VAV2: variants seen among roughly 807,000 people sequenced by gnomAD.
VAV2 encodes guanine nucleotide exchange factor VAV2.
In VAV2, 67 loss-of-function variants were observed where a neutral mutation model predicts 132.5. The ratio of observed to expected loss-of-function variants is 0.51; its 90% confidence interval spans 0.42 to 0.62. VAV2 has a LOEUF of 0.62. Among genes scored for constraint, VAV2 ranks in the 20% least tolerant of loss-of-function variants. VAV2 has a pLI of 0.00. For synonymous variants in VAV2, 492 were observed against 443.5 expected, an observed-to-expected ratio of 1.11 and a Z score of -1.37; for missense variants, 938 against 1,153.6, an observed-to-expected ratio of 0.81 and a Z score of 2.71.
At chr9:133,783,428 G>A (rs1171536523) in intron 19 of VAV2, 75 bp downstream of exon 19, 38 of 1,456,458 alleles carry the variant, frequency 2.6e-5, no homozygotes, top group East Asian at 9.1e-5. Context: ...CCCGAGGCCC[G>A]TACCCAGGTG....
chr9:133,859,574 A>T (rs1837515948), intron 3 of VAV2, among the ~76,000 whole-genome samples: 1 of 152,236 alleles, frequency 6.6e-6, no homozygotes, highest in Admixed American at 6.5e-5. Flanking sequence ...GGAGCAATTA[A>T]AATGACTGAT....
At chr9:133,861,045 C>G (rs1727278551) in intron 3 of VAV2, among the ~76,000 whole-genome samples, 1 of 152,236 alleles carries the variant, frequency 6.6e-6, no homozygotes. Flanking sequence ...ATTCTCGGCA[C>G]AGCCCCCGGT....
intron 2 of VAV2, among the ~76,000 whole-genome samples, chr9:133,903,441 C>A (rs10993850): frequency 0.08 from 12,242 of 152,252 alleles, 572 homozygotes; most frequent in Non-Finnish European, 0.097. Context: ...TGGAGCCCCA[C>A]ATCAGGCTCA....
chr9:133,791,458 G>T (rs1834457145), intron 13 of VAV2, among the ~76,000 whole-genome samples: 1 of 152,164 alleles, frequency 6.6e-6, no homozygotes, highest in Non-Finnish European at 1.5e-5. Flanking sequence ...TCTTGGACTT[G>T]AAGGGGTCTT....
At chr9:133,977,149 CAAAT>C (rs1460302333) in intron 1 of VAV2, among the ~76,000 whole-genome samples, 1 of 152,196 alleles carries the variant, frequency 6.6e-6, no homozygotes, top group Non-Finnish European at 1.5e-5. Context: ...GGAATGAAAA[CAAAT>C]AAAACCAAGA....
At chr9:133,923,596 A>G (rs1840370524) in intron 2 of VAV2, among the ~76,000 whole-genome samples, 1 of 152,238 alleles carries the variant, frequency 6.6e-6, no homozygotes, top group Non-Finnish European at 1.5e-5. Flanking sequence ...TTCCTCAAGG[A>G]TCTAGAACTA....
intron 16 of VAV2, among the ~76,000 whole-genome samples, chr9:133,786,809 A>C (rs1834244697): frequency 6.6e-6 from 1 of 152,198 alleles, no homozygotes; most frequent in African/African-American, 2.4e-5. Flanking sequence ...ATAGGAGCCT[A>C]CTGGGTTAGA....
intron 1 of VAV2, among the ~76,000 whole-genome samples, chr9:133,972,814 A>T (rs1356183315): frequency 6.6e-6 from 1 of 152,096 alleles, no homozygotes; most frequent in Non-Finnish European, 1.5e-5. Flanking sequence ...TGAGGCAACC[A>T]AGGCCCAGGC....
chr9:133,877,349 C>T (rs186935819), intron 2 of VAV2, among the ~76,000 whole-genome samples: 20 of 152,162 alleles, frequency 1.3e-4, no homozygotes, highest in Non-Finnish European at 2.2e-4. Context: ...ACTGGCCAGG[C>T]GGACAAGCCC....
At chr9:133,894,242 G>A (rs1450329222) in intron 2 of VAV2, among the ~76,000 whole-genome samples, 1 of 152,262 alleles carries the variant, frequency 6.6e-6, no homozygotes, top group Admixed American at 6.5e-5. Flanking sequence ...TCCCAAGGAT[G>A]GGGGAGCCGG....
chr9:133,990,597 C>A (rs1031250578), intron 1 of VAV2, among the ~76,000 whole-genome samples: 1 of 152,216 alleles, frequency 6.6e-6, no homozygotes, highest in Non-Finnish European at 1.5e-5. Flanking sequence ...AGCAAGTCAG[C>A]CTGGGCAGCC....
chr9:133,773,298 A>C (rs1012888436), intron 25 of VAV2, among the ~76,000 whole-genome samples: 1 of 136,306 alleles, frequency 7.3e-6, no homozygotes, highest in Non-Finnish European at 1.7e-5. Context: ...TGGTAAAAAC[A>C]CAGTAGAAAA....
Position 133,789,304 on chromosome 9 carries a change from C to T in VAV2, c.1228G>A (p.Gly410Arg), listed in dbSNP as rs267602158. 4 of 1,614,144 alleles carry T rather than the reference C, an allele frequency of 2.5e-6. No homozygotes were observed. Among genetic ancestry groups the T allele is most frequent in the Non-Finnish European group, 3.4e-6 (4 of 1,180,030 alleles). Residue 410 changes from glycine (G) to arginine (R), a missense_variant, in exon 14 of 30, where the codon GGG (glycine) becomes AGG (arginine). Physicochemically the swap from Gly to Arg is moderately radical, Grantham distance 125 (BLOSUM62 -2). Coordinates refer to ENST00000371850, the MANE Select transcript of VAV2 (RefSeq NM_001134398.2). The part of the protein sequence containing the change: ...LEEFGRPKID[G>R]ELKVRSIVNH... The stretch of plus-strand genomic sequence containing the variant: ...ACTATGGACCGGACTTTCAGTTCCC[C>T]GTCAATCTTTGGTCTTCCAAATTCC...
At chr9:133,789,204 G>A in intron 14 of VAV2, 54 bp downstream of exon 14, 3 of 1,599,134 alleles carry the variant, frequency 1.9e-6, no homozygotes, top group Admixed American at 1.7e-5. Flanking sequence ...CCCTGGGAGG[G>A]AGAGCCAGAC....
In VAV2 at chr9:133,969,190, C is replaced by A. The variant is rs1264763935; in HGVS notation, c.204+22885G>T. Reference sequence around the variant, plus strand: ...CTGCGAGGACGAGAGCTGGATTCCACCGTGCCCGCCGGGCCTGCGAGGACG... The same window carrying A: ...CTGCGAGGACGAGAGCTGGATTCCAACGTGCCCGCCGGGCCTGCGAGGACG... On this transcript the variant is annotated intron_variant, in intron 1 of 29. Transcript: ENST00000371850. The surrounding 1 kb of genome is among the most constrained non-coding windows in gnomAD (Gnocchi z 5.1). Among the ~76,000 whole-genome samples, 1 of 152,114 alleles carries A rather than the reference C, an allele frequency of 6.6e-6. No individual in the cohort carries two copies. Among genetic ancestry groups the A allele is most frequent in the Admixed American group, 6.5e-5 (1 of 15,276 alleles).
At chr9:133,865,316 T>G (rs1837756918) in intron 2 of VAV2, among the ~76,000 whole-genome samples, 1 of 152,252 alleles carries the variant, frequency 6.6e-6, no homozygotes, top group Non-Finnish European at 1.5e-5. Context: ...GTCTAGCTAT[T>G]CACATGTGAC....
At chr9:133,781,304 C>T (rs1243164654) in intron 19 of VAV2, among the ~76,000 whole-genome samples, 1 of 152,228 alleles carries the variant, frequency 6.6e-6, no homozygotes, top group Non-Finnish European at 1.5e-5. Context: ...AGGGCCCAGC[C>T]ATCTGCCAAG....
chr9:133,971,732 C>T (rs1050353491), intron 1 of VAV2, among the ~76,000 whole-genome samples: 5 of 152,108 alleles, frequency 3.3e-5, no homozygotes, highest in Non-Finnish European at 7.4e-5. Context: ...GAGCCAGTCA[C>T]GGGTCCCCAG....
chr9:133,888,443 C>T (rs1838799867), intron 2 of VAV2, among the ~76,000 whole-genome samples: 1 of 152,236 alleles, frequency 6.6e-6, no homozygotes, highest in African/African-American at 2.4e-5. Context: ...ATCTTCCAGG[C>T]CTCCAGCTCT....
Sources: gnomAD v4.1 joint callset for allele counts (sites outside exome capture counted in the v4.1 genomes callset) on GRCh38, gnomAD v4.1.1 for gene constraint, Gnocchi (gnomAD v3.1) non-coding constraint, MANE v1.5 for transcripts, NCBI Gene and HGNC (gene_info 2026-07-23, HGNC 2026-07-21) for gene names.